MAGI2: variants seen among roughly 807,000 people sequenced by gnomAD.
MAGI2 encodes membrane associated guanylate kinase, WW and PDZ domain containing 2, also known as membrane-associated guanylate kinase, WW and PDZ domain-containing protein 2.
MAGI2 carries 35 observed loss-of-function variants against 133.3 expected under a neutral mutation model. The ratio of observed to expected loss-of-function variants is 0.26; its 90% CI spans 0.20 to 0.35. The LOEUF (loss-of-function observed/expected upper bound fraction) is 0.35, where lower values mean the gene tolerates loss of function less well. Ranked by LOEUF, MAGI2 falls within the 10% of genes least tolerant of loss-of-function variation. The probability of loss-of-function intolerance (pLI) is 1.00; values close to 1 mark genes in which losing one functional copy is unlikely to be tolerated. For synonymous variants in MAGI2, 729 were observed against 710.6 expected, an observed-to-expected ratio of 1.03 and a Z score of -0.41; for missense variants, 1,636 against 1,863.4, an observed-to-expected ratio of 0.88 and a Z score of 2.25.
intron 3 of MAGI2, among the ~76,000 whole-genome samples, chr7:78,526,700 T>A (rs975791762): frequency 2.0e-5 from 3 of 152,122 alleles, no homozygotes; most frequent in Non-Finnish European, 4.4e-5. Flanking sequence ...ACAGGATGAA[T>A]GTACTCTGTT....
intron 1 of MAGI2, among the ~76,000 whole-genome samples, chr7:79,310,519 T>A (rs1192361796): frequency 6.6e-6 from 1 of 152,144 alleles, no homozygotes; most frequent in Non-Finnish European, 1.5e-5. Flanking sequence ...TGTATTTAAT[T>A]TGGGGACCAA....
intron 2 of MAGI2, among the ~76,000 whole-genome samples, chr7:78,826,968 C>A (rs1444964207): frequency 6.6e-6 from 1 of 151,894 alleles, no homozygotes; most frequent in Non-Finnish European, 1.5e-5. Flanking sequence ...TACAGACATG[C>A]AAGGAGAGGA....
chr7:78,864,186 T>C (rs1378919275), intron 2 of MAGI2, among the ~76,000 whole-genome samples: 4 of 152,206 alleles, frequency 2.6e-5, no homozygotes, highest in Non-Finnish European at 5.9e-5. Flanking sequence ...TGGCTGACAT[T>C]AGCAAAATAT....
chr7:78,594,284 A>G (rs7796903), intron 3 of MAGI2, among the ~76,000 whole-genome samples: 35,983 of 152,110 alleles, frequency 0.24, 5,050 homozygotes, highest in Middle Eastern at 0.4. Flanking sequence ...GCCAGGTCTC[A>G]CTAACACAGG....
At chr7:78,086,807 A>G (rs1816693107) in intron 20 of MAGI2, among the ~76,000 whole-genome samples, 1 of 148,274 alleles carries the variant, frequency 6.7e-6, no homozygotes, top group Non-Finnish European at 1.5e-5. Context: ...ACTAATTTTT[A>G]TATTTTTGGT....
At chr7:78,293,539 G>T (rs1310011509) in intron 9 of MAGI2, among the ~76,000 whole-genome samples, 1 of 152,170 alleles carries the variant, frequency 6.6e-6, no homozygotes, top group African/African-American at 2.4e-5. Context: ...ATTCCTCAAG[G>T]ATCTAGACCT....
intron 1 of MAGI2, among the ~76,000 whole-genome samples, chr7:79,439,511 A>G (rs777572633): frequency 4.6e-5 from 7 of 152,094 alleles, no homozygotes; most frequent in Non-Finnish European, 7.4e-5. Context: ...TAAAGGTAGT[A>G]ATGTTTACTC....
chr7:78,778,864 A>G (rs1826179693), intron 2 of MAGI2, among the ~76,000 whole-genome samples: 1 of 151,704 alleles, frequency 6.6e-6, no homozygotes, highest in Admixed American at 6.6e-5. Flanking sequence ...AGAATCTAGC[A>G]TATAATAATT....
chr7:78,864,247 G>A (rs1794374288), intron 2 of MAGI2, among the ~76,000 whole-genome samples: 1 of 152,314 alleles, frequency 6.6e-6, no homozygotes, highest in East Asian at 1.9e-4. Flanking sequence ...TAAGGTGCCT[G>A]AGGGAATATC....
At chr7:79,299,099 A>G (rs1013924069) in intron 1 of MAGI2, among the ~76,000 whole-genome samples, 6 of 152,132 alleles carry the variant, frequency 3.9e-5, no homozygotes. Context: ...TTTCTCTGCT[A>G]TAAGTAATAA....
chr7:78,892,470 C>A (rs1796846028), intron 2 of MAGI2, among the ~76,000 whole-genome samples: 3 of 152,208 alleles, frequency 2.0e-5, no homozygotes, highest in Admixed American at 6.5e-5. Context: ...TGCTACCTGA[C>A]TTCAAACTAT....
chr7:79,240,659 T>G (rs1485143059), intron 1 of MAGI2, among the ~76,000 whole-genome samples: 1 of 152,194 alleles, frequency 6.6e-6, no homozygotes, highest in Non-Finnish European at 1.5e-5. Context: ...AACTTATGAT[T>G]TCAAGGAAGA....
intron 1 of MAGI2, among the ~76,000 whole-genome samples, chr7:79,118,993 A>G (rs528415991): frequency 6.6e-6 from 1 of 152,294 alleles, no homozygotes; most frequent in African/African-American, 2.4e-5. Context: ...AGTTGAAATG[A>G]TGTATTCTCC....
chr7:78,106,841 G>A (rs896713189), intron 20 of MAGI2, among the ~76,000 whole-genome samples: 3 of 151,760 alleles, frequency 2.0e-5, no homozygotes, highest in Non-Finnish European at 4.4e-5. Context: ...TTTTCTTTTT[G>A]TGCAGAAACT....
At chr7:78,636,527 T>G (rs1045319581) in intron 2 of MAGI2, among the ~76,000 whole-genome samples, 20 of 152,120 alleles carry the variant, frequency 1.3e-4, no homozygotes, top group South Asian at 4.1e-4. Flanking sequence ...GGCCGGGCGC[T>G]GTGGCTCACG....
intron 1 of MAGI2, among the ~76,000 whole-genome samples, chr7:79,348,297 T>A (rs1013062368): frequency 2.6e-5 from 4 of 151,908 alleles, no homozygotes; most frequent in Non-Finnish European, 4.4e-5. Flanking sequence ...TACAGTGGTA[T>A]TTTTGAGTGA....
chr7:79,140,323 T>C (rs1479764251), intron 1 of MAGI2, among the ~76,000 whole-genome samples: 1 of 152,214 alleles, frequency 6.6e-6, no homozygotes, highest in African/African-American at 2.4e-5. Flanking sequence ...TCTCTGCATA[T>C]CTATTTATCA....
intron 5 of MAGI2, among the ~76,000 whole-genome samples, chr7:78,497,368 A>G (rs1794182301): frequency 6.6e-6 from 1 of 152,170 alleles, no homozygotes; most frequent in African/African-American, 2.4e-5. Flanking sequence ...TATAGGATAG[A>G]AGAAATCTGC....
At chr7:78,286,613 T>C (rs544472081) in intron 9 of MAGI2, among the ~76,000 whole-genome samples, 1 of 152,140 alleles carries the variant, frequency 6.6e-6, no homozygotes, top group African/African-American at 2.4e-5. Flanking sequence ...AACTTGGAGA[T>C]GAGGACAATC....
Sources: gnomAD v4.1 joint callset for allele counts (sites outside exome capture counted in the v4.1 genomes callset) on GRCh38, gnomAD v4.1.1 for gene constraint, MANE v1.5 for transcripts, NCBI Gene and HGNC (gene_info 2026-07-23, HGNC 2026-07-21) for gene names.